PIK3C2G: variants seen among roughly 807,000 people sequenced by gnomAD.
The protein encoded by PIK3C2G is phosphatidylinositol 3-kinase C2 domain-containing subunit gamma.
In PIK3C2G, 168 loss-of-function variants were observed where a neutral mutation model predicts 181.1. That is an observed-to-expected ratio of 0.93 (90% CI 0.82 to 1.05). The LOEUF (loss-of-function observed/expected upper bound fraction) is 1.05. Ranked by LOEUF, PIK3C2G falls within the 50% of genes least tolerant of loss-of-function variation. The pLI, the probability that PIK3C2G is intolerant of heterozygous loss-of-function variation, is 0.00. For synonymous variants in PIK3C2G, 573 were observed against 592.2 expected (o/e 0.97, Z 0.47); for missense variants, 1,869 against 1,732.8 (o/e 1.08, Z -1.40).
chr12:18,384,456 AT>A (rs1341281234), intron 14 of PIK3C2G, among the ~76,000 whole-genome samples: 33 of 152,252 alleles, frequency 2.2e-4, no homozygotes, highest in Middle Eastern at 3.4e-3. Flanking sequence ...AGACAAATGT[AT>A]TTTCTATCAA....
At chr12:18,470,393 C>T (rs924365679) in intron 18 of PIK3C2G, among the ~76,000 whole-genome samples, 3 of 152,072 alleles carry the variant, frequency 2.0e-5, no homozygotes, top group Non-Finnish European at 2.9e-5. Context: ...TAGAGACTTG[C>T]TAATAACTTA....
Position 18,338,663 on chromosome 12 carries a change from C to CTGTGTGTGTG in PIK3C2G, c.1395+152_1395+161dup, listed in dbSNP as rs199613361. On this transcript the variant is annotated intron_variant, in intron 9 of 32. Coordinates refer to ENST00000538779, the MANE Select transcript of PIK3C2G (RefSeq NM_001288772.2). ...TTTCCGTGTGTATGTTTGTGTGTAT[C>CTGTGTGTGTG]TGTGTGTGTGTGTGTGTGTGTGTGT... The CTGTGTGTGTG allele has an allele frequency of 8.3e-4, 344 of 414,012 alleles. 1 individual carries two copies. Among genetic ancestry groups the CTGTGTGTGTG allele is most frequent in the Middle Eastern group, 1.5e-3 (2 of 1,352 alleles). 25.6% of individuals were successfully genotyped at this position (414,012 alleles called of 1,614,324 possible).
chr12:18,670,431 G>A, the PIK3C2G span, among the ~76,000 whole-genome samples: 1 of 151,992 alleles, frequency 6.6e-6, no homozygotes, highest in African/African-American at 2.4e-5. Context: ...TTAAAGGGGA[G>A]CAAACAAACC....
chr12:18,670,412 A>C, the PIK3C2G span, among the ~76,000 whole-genome samples: 60 of 152,140 alleles, frequency 3.9e-4, no homozygotes, highest in Admixed American at 1.6e-3. Flanking sequence ...TAGTTCAGCA[A>C]CCTCCTTTTT....
intron 18 of PIK3C2G, among the ~76,000 whole-genome samples, chr12:18,485,708 T>A (rs1044385682): frequency 1.4e-4 from 21 of 152,186 alleles, no homozygotes; most frequent in Non-Finnish European, 2.1e-4. Context: ...TCACATTGCC[T>A]GCATCTTAAA....
rs1199307814 is a variant in PIK3C2G, at chr12:18,604,275, A to C, written c.4088-5260A>C. On this transcript the variant is annotated intron_variant, in intron 30 of 32. Transcript: ENST00000538779. ...TATCAGACAAAACAAACTTTAAAGC[A>C]ACCACAGTTAAAAGAGACAAAGAGG... is the stretch of plus-strand genomic sequence containing the variant. Among the ~76,000 whole-genome samples the C allele has an allele frequency of 2.6e-5, 4 of 152,222 alleles. No homozygotes were observed. In the East Asian group the frequency reaches 7.7e-4, roughly 29 times the overall value.
In PIK3C2G at chr12:18,277,564, C is replaced by A. The variant is rs573709093; in HGVS notation, c.-78-4440C>A. Among the ~76,000 whole-genome samples, 5 of 152,212 alleles carry A rather than the reference C, an allele frequency of 3.3e-5. No homozygotes were observed. The South Asian group carries it at 8.3e-4, about 25-fold the overall frequency. On this transcript the variant is annotated intron_variant, in intron 1 of 32. Transcript: ENST00000538779. ...AAAATTTGTTATCTGAAATAAAGAT[C>A]ATTTTTATTTAGTCCCATAATTTAT...
chr12:18,254,767 G>T (rs1948127381), intron 1 of PIK3C2G, among the ~76,000 whole-genome samples: 1 of 152,006 alleles, frequency 6.6e-6, no homozygotes, highest in Non-Finnish European at 1.5e-5. Context: ...CAAGAGAATT[G>T]CTTGAACCCG....
chr12:18,668,346 C>T, the PIK3C2G span, among the ~76,000 whole-genome samples: 1 of 152,184 alleles, frequency 6.6e-6, no homozygotes, highest in Non-Finnish European at 1.5e-5. Context: ...ATCTTTGCCA[C>T]TTTACCAGTT....
At chr12:18,525,086 A>G (rs77399564) in intron 24 of PIK3C2G, among the ~76,000 whole-genome samples, 5,295 of 151,896 alleles carry the variant, frequency 0.035, 320 homozygotes, top group African/African-American at 0.12. Flanking sequence ...TATTTTTGCT[A>G]TTTTTAAAAA....
Position 18,587,894 on chromosome 12 carries a change from A to T in PIK3C2G, c.4012-6600A>T, listed in dbSNP as rs191782430. The stretch of plus-strand genomic sequence containing the variant: ...TAACTAAAACAGCATGGTACTGATT[A>T]AAAAAAAAAAGACATATATATCAAT... On this transcript the variant is annotated intron_variant, in intron 29 of 32. Transcript: ENST00000538779. 8.2e-4 allele frequency among the ~76,000 whole-genome samples: 116 copies of T among 142,108 alleles called. 1 individual carries two copies. Among genetic ancestry groups the T allele is most frequent in the African/African-American group, 1.5e-3 (58 of 39,800 alleles). 93.2% of individuals were successfully genotyped at this position (142,108 alleles called of 152,430 possible). A position where few individuals can be genotyped will look rare whatever the true frequency, so the allele number is the denominator to read the frequency against.
chr12:18,533,140 A>C (rs958147409), intron 24 of PIK3C2G, among the ~76,000 whole-genome samples: 2 of 152,096 alleles, frequency 1.3e-5, no homozygotes, highest in African/African-American at 4.8e-5. Context: ...TGGGAGGAAC[A>C]AGGAAAAATA....
chr12:18,506,548 GA>G (rs976100293), intron 24 of PIK3C2G, among the ~76,000 whole-genome samples: 5 of 152,130 alleles, frequency 3.3e-5, no homozygotes, highest in African/African-American at 1.2e-4. Flanking sequence ...CGTTGGCTGT[GA>G]TTAATGAACT....
At chr12:18,360,926 G>A (rs1565635938) in intron 11 of PIK3C2G, among the ~76,000 whole-genome samples, 1 of 152,030 alleles carries the variant, frequency 6.6e-6, no homozygotes, top group Non-Finnish European at 1.5e-5. Context: ...AATTTAGGAA[G>A]TTTTTCACCA....
intron 4 of PIK3C2G, among the ~76,000 whole-genome samples, chr12:18,293,562 T>A (rs1235894477): frequency 6.6e-6 from 1 of 152,168 alleles, no homozygotes; most frequent in Non-Finnish European, 1.5e-5. Flanking sequence ...TATACCCAAG[T>A]TCCTGAGTGT....
intron 18 of PIK3C2G, among the ~76,000 whole-genome samples, chr12:18,443,424 C>T (rs1946854112): frequency 6.6e-6 from 1 of 151,400 alleles, no homozygotes; most frequent in South Asian, 2.1e-4. Context: ...ATGTATTGTA[C>T]TTTTATTTCA....
At chr12:18,280,526 T>G (rs1050176122) in intron 1 of PIK3C2G, among the ~76,000 whole-genome samples, 1 of 152,036 alleles carries the variant, frequency 6.6e-6, no homozygotes, top group African/African-American at 2.4e-5. Flanking sequence ...TCAAGTCCTT[T>G]TGAGGAGCCA....
At chr12:18,379,731 C>T (rs1942706176) in intron 13 of PIK3C2G, among the ~76,000 whole-genome samples, 1 of 152,142 alleles carries the variant, frequency 6.6e-6, no homozygotes, top group African/African-American at 2.4e-5. Flanking sequence ...CCAGCTTGGC[C>T]AGGGTTTCCT....
the PIK3C2G span, among the ~76,000 whole-genome samples, chr12:18,710,032 A>T: frequency 6.6e-6 from 1 of 151,796 alleles, no homozygotes; most frequent in East Asian, 1.9e-4. Context: ...GAATTCATTT[A>T]TGAGTTCTAA....
Sources: allele counts gnomAD v4.1 joint callset (sites outside exome capture counted in the v4.1 genomes callset), GRCh38; gene constraint gnomAD v4.1.1; transcripts MANE v1.5; gene names NCBI Gene and HGNC (gene_info 2026-07-23, HGNC 2026-07-21).